The following DPYD variants were observed in gnomAD, a reference collection of about 807,000 sequenced individuals.
DPYD encodes the protein dihydropyrimidine dehydrogenase [NADP(+)].
DPYD carries 109 observed loss-of-function variants against 116.2 expected under a neutral mutation model. That is an observed-to-expected ratio of 0.94 (90% CI 0.80 to 1.10). The LOEUF is 1.10. Ranked by LOEUF, DPYD falls within the 50% of genes least tolerant of loss-of-function variation. The pLI is 0.00. For missense variants in DPYD, 1,302 were observed against 1,254.5 expected (o/e 1.04, Z -0.57); for synonymous variants, 440 against 432.0 (o/e 1.02, Z -0.23).
chr1:97,898,820 T>G (rs915146307), intron 1 of DPYD, among the ~76,000 whole-genome samples: 1 of 151,746 alleles, frequency 6.6e-6, no homozygotes, highest in African/African-American at 2.4e-5. Flanking sequence ...GTGGTTCCTC[T>G]GCATAAGCTT....
chr1:97,636,116 C>T (rs1041620453), intron 8 of DPYD, among the ~76,000 whole-genome samples: 4 of 152,038 alleles, frequency 2.6e-5, no homozygotes, highest in African/African-American at 7.2e-5. Context: ...CCACTGCACC[C>T]AGCCATAGTC....
intron 12 of DPYD, among the ~76,000 whole-genome samples, chr1:97,540,711 C>G (rs1476168061): frequency 6.6e-6 from 1 of 152,302 alleles, no homozygotes; most frequent in Admixed American, 6.5e-5. Context: ...CCTTCAGCCC[C>G]TTGACTCTCC....
At chr1:97,714,268 T>A (rs1662473376) in intron 5 of DPYD, among the ~76,000 whole-genome samples, 4 of 151,976 alleles carry the variant, frequency 2.6e-5, no homozygotes, top group Admixed American at 2.6e-4. Flanking sequence ...GGCTGGTGTG[T>A]AGTGGCGCAA....
At chr1:97,572,498 AT>A (rs1652969073) in intron 11 of DPYD, among the ~76,000 whole-genome samples, 1 of 151,982 alleles carries the variant, frequency 6.6e-6, no homozygotes, top group Admixed American at 6.6e-5. Flanking sequence ...TAGGCAAATA[AT>A]CAACAGAATT....
chr1:97,334,926 G>A (rs1192121068), intron 16 of DPYD, among the ~76,000 whole-genome samples: 2 of 152,178 alleles, frequency 1.3e-5, no homozygotes, highest in Non-Finnish European at 2.9e-5. Context: ...AGAGCCCGGT[G>A]CATATTGGGA....
chr1:97,778,571 G>C (rs1666555692), intron 3 of DPYD, among the ~76,000 whole-genome samples: 1 of 152,038 alleles, frequency 6.6e-6, no homozygotes, highest in African/African-American at 2.4e-5. Flanking sequence ...CAAAGTCAAA[G>C]TTATAACTAT....
chr1:97,469,500 C>G (rs1677525166), intron 13 of DPYD, among the ~76,000 whole-genome samples: 1 of 147,214 alleles, frequency 6.8e-6, no homozygotes, highest in South Asian at 2.2e-4. Context: ...AAAAACAGTT[C>G]TAATATTACT....
intron 8 of DPYD, among the ~76,000 whole-genome samples, chr1:97,678,454 A>G (rs1227781999): frequency 6.6e-6 from 1 of 152,150 alleles, no homozygotes. Flanking sequence ...AATGAATATG[A>G]CATTCATGAG....
At chr1:97,439,741 C>A (rs1675661273) in intron 14 of DPYD, among the ~76,000 whole-genome samples, 4 of 151,444 alleles carry the variant, frequency 2.6e-5, no homozygotes, top group African/African-American at 7.3e-5. Context: ...TTTATTATAT[C>A]ATTTATTTTA....
At chr1:97,185,477 T>A (rs1447813417) in intron 20 of DPYD, among the ~76,000 whole-genome samples, 1 of 152,144 alleles carries the variant, frequency 6.6e-6, no homozygotes, top group East Asian at 1.9e-4. Context: ...TATACTTCTA[T>A]GTACTAGCCA....
chr1:97,281,576 T>G (rs543176228), intron 18 of DPYD, among the ~76,000 whole-genome samples: 1 of 151,942 alleles, frequency 6.6e-6, no homozygotes, highest in African/African-American at 2.4e-5. Context: ...TTATTAAGTA[T>G]GAGGATAGAA....
At chr1:97,629,035 G>A (rs1030852166) in intron 8 of DPYD, among the ~76,000 whole-genome samples, 3 of 152,032 alleles carry the variant, frequency 2.0e-5, no homozygotes, top group African/African-American at 4.8e-5. Flanking sequence ...TGAGTCCCTG[G>A]CAATTAGTAA....
chr1:97,836,654 C>A (rs1409093123), intron 2 of DPYD, among the ~76,000 whole-genome samples: 3 of 151,640 alleles, frequency 2.0e-5, no homozygotes, highest in Admixed American at 2.0e-4. Context: ...GAAAAAAAAA[C>A]CTTGAGATCA....
At chr1:97,500,110 A>T (rs1279351342) in intron 13 of DPYD, among the ~76,000 whole-genome samples, 1 of 151,904 alleles carries the variant, frequency 6.6e-6, no homozygotes, top group Non-Finnish European at 1.5e-5. Context: ...ATGAAAAGTT[A>T]AACTTCCTCA....
intron 8 of DPYD, among the ~76,000 whole-genome samples, chr1:97,676,272 C>T (rs2786508): frequency 0.059 from 9,024 of 152,134 alleles, 384 homozygotes; most frequent in African/African-American, 0.11. Context: ...CAGCAAAAGG[C>T]AATACTTCCC....
intron 8 of DPYD, among the ~76,000 whole-genome samples, chr1:97,622,813 T>G (rs1656709361): frequency 6.6e-6 from 1 of 152,008 alleles, no homozygotes; most frequent in Non-Finnish European, 1.5e-5. Flanking sequence ...AGACTGTATA[T>G]AATTAGATGT....
intron 11 of DPYD, among the ~76,000 whole-genome samples, chr1:97,553,002 T>C (rs1043504799): frequency 1.3e-5 from 2 of 151,932 alleles, no homozygotes; most frequent in African/African-American, 2.4e-5. Flanking sequence ...AAAAGATCAC[T>C]AAGAAAGTAG....
chr1:97,262,379 G>A (rs538957843), intron 18 of DPYD, among the ~76,000 whole-genome samples: 192 of 152,018 alleles, frequency 1.3e-3, no homozygotes, highest in Non-Finnish European at 2.2e-3. Flanking sequence ...CTCCACATAG[G>A]GTTGAACACA....
intron 14 of DPYD, among the ~76,000 whole-genome samples, chr1:97,413,373 A>T (rs115706496): frequency 0.012 from 1,891 of 152,324 alleles, 38 homozygotes; most frequent in African/African-American, 0.044. Flanking sequence ...TTCCATCAGT[A>T]TGCTTTAAGA....
Sources: allele counts gnomAD v4.1 joint callset (sites outside exome capture counted in the v4.1 genomes callset), GRCh38; gene constraint gnomAD v4.1.1; transcripts MANE v1.5; gene names NCBI Gene and HGNC (gene_info 2026-07-23, HGNC 2026-07-21).